The following FXYD3 variants were observed in gnomAD, a reference collection of about 807,000 sequenced individuals.
The protein encoded by FXYD3 is FXYD domain containing ion transport regulator 3.
Under a neutral mutation model 19.2 loss-of-function variants are expected in FXYD3, and 13 were observed. That is an observed-to-expected ratio of 0.68 (90% CI 0.44 to 1.08). The LOEUF (loss-of-function observed/expected upper bound fraction) is 1.08. FXYD3 is among the 50% of genes least tolerant of loss of function. The pLI is 0.00. For missense variants in FXYD3, 101 were observed against 109.4 expected (o/e 0.92, Z 0.34); for synonymous variants, 48 against 38.9 (o/e 1.23, Z -0.87).
intron 5 of FXYD3, 148 bp from the exon 6 acceptor site, chr19:35,122,609 CAGAATGTG>C (rs1372624544): frequency 1.5e-6 from 1 of 645,512 alleles, no homozygotes; most frequent in African/African-American, 1.8e-5. Flanking sequence ...GTGTGTGAAC[CAGAATGTG>C]AGCACCTGGG....
In FXYD3 at chr19:35,119,475, C is replaced by A. The variant is rs369663190; in HGVS notation, c.40+59C>A. Reference sequence around the variant, plus strand: ...GGATCCCCTGGATGCGGGGATCCAACCTCTGTCTCTCTCCTGTGCTTTTCT... The same window carrying A: ...GGATCCCCTGGATGCGGGGATCCAAACTCTGTCTCTCTCCTGTGCTTTTCT... On this transcript the variant is annotated intron_variant, in intron 3 of 8. Coordinates refer to ENST00000604404, the MANE Select transcript of FXYD3 (RefSeq NM_005971.4). 89 of 1,436,824 alleles carry A rather than the reference C, an allele frequency of 6.2e-5. 3 individuals are homozygous for A. In the South Asian group the frequency reaches 9.6e-4, roughly 16 times the overall value. 89.0% of individuals were successfully genotyped at this position (1,436,824 alleles called of 1,614,324 possible).
At chr19:35,122,535 C>T (rs1297879164) in intron 5 of FXYD3, 7 of 570,632 alleles carry the variant, frequency 1.2e-5, no homozygotes, top group East Asian at 3.0e-5. Context: ...CATCTCCCAC[C>T]CCACTTATTT....
At chr19:35,118,615 G>C in intron 2 of FXYD3, 1 of 997,196 alleles carries the variant, frequency 1.0e-6, no homozygotes, top group Non-Finnish European at 1.2e-6. Flanking sequence ...GTCAGGGGCT[G>C]GGCTGGGGAC....
chr19:35,123,253 C>T lies in FXYD3; in HGVS notation c.210-18C>T, dbSNP rs1447890819. On this transcript the variant is annotated intron_variant, in intron 7 of 8. Coordinates refer to ENST00000604404, the MANE Select transcript of FXYD3 (RefSeq NM_005971.4). ...CAAATGGGGGCGGACACCAATCTCACCACTTTTGTCTCCTTAGTCACCATC... is the reference window on the plus strand; with the variant it reads ...CAAATGGGGGCGGACACCAATCTCATCACTTTTGTCTCCTTAGTCACCATC... The T allele has an allele frequency of 1.9e-6, 3 of 1,577,414 alleles. No homozygotes were observed. The South Asian group carries it at 3.5e-5, about 19-fold the overall frequency.
At chr19:35,121,173 G>C (rs1266115320) in intron 4 of FXYD3, 49 bp from the exon 5 acceptor site, 3 of 1,613,982 alleles carry the variant, frequency 1.9e-6, no homozygotes, top group African/African-American at 2.7e-5. Context: ...GGGAAGGCCT[G>C]CATCCTGGCT....
intron 2 of FXYD3, chr19:35,118,448 GAGGCCAGGGCTTGGTGC>G: frequency 1.0e-6 from 1 of 990,028 alleles, no homozygotes; most frequent in Non-Finnish European, 1.2e-6. Context: ...GGCATGCTCG[GAGGCCAGGGCTTGGTGC>G]AGCCTTGCAG....
intron 5 of FXYD3, among the ~76,000 whole-genome samples, chr19:35,122,228 C>T (rs2065058235): frequency 6.6e-6 from 1 of 151,736 alleles, no homozygotes; most frequent in Admixed American, 6.6e-5. Flanking sequence ...AATCTTGGCT[C>T]ACTGCAACCT....
rs1600464836 is a variant in FXYD3, at chr19:35,124,307, T to A, written c.*850T>A. ...ACCCAAAAAGAGACCCACAATAAAC[T>A]CGTGACTTGTCCCCTCATCATGCCG... is the stretch of plus-strand genomic sequence containing the variant. On this transcript the variant is annotated 3_prime_UTR_variant, in exon 9 of 9. Coordinates refer to ENST00000604404, the MANE Select transcript of FXYD3 (RefSeq NM_005971.4). 1 of 152,062 alleles carries A rather than the reference T, an allele frequency of 6.6e-6. No individual in the cohort carries two copies. Among genetic ancestry groups the A allele is most frequent in the African/African-American group, 2.4e-5 (1 of 41,378 alleles). 9.4% of individuals were successfully genotyped at this position (152,062 alleles called of 1,614,324 possible).
At chr19:35,119,132 A>T in intron 2 of FXYD3, 1 of 1,460,494 alleles carries the variant, frequency 6.8e-7, no homozygotes, top group Non-Finnish European at 9.4e-7. Flanking sequence ...CCTGAAGTCC[A>T]TGTCCAGTGA....
In FXYD3 at chr19:35,121,094, C is replaced by T. The variant is rs35635692; in HGVS notation, c.57C>T (p.Asp19=). ...LVFLAGFPVL[D]ANDLEDKNSP... ...TCCCACTAGGCTTTCCTGTCCTGGA[C>T]GCCAATGACCTAGAAGGTGAGTCAG... is the stretch of plus-strand genomic sequence containing the variant. The change falls in exon 4 of 9, where the codon GAC becomes GAT. Residue 19 remains aspartate (D), a synonymous_variant. Transcript: ENST00000604404. 5.9e-4 allele frequency: 950 copies of T among 1,613,054 alleles called. 4 individuals are homozygous for T. In the African/African-American group the frequency reaches 0.01, roughly 17 times the overall value.
chr19:35,119,137 C>A, intron 2 of FXYD3: 1 of 1,488,156 alleles, frequency 6.7e-7, no homozygotes, highest in Non-Finnish European at 9.2e-7. Flanking sequence ...AGTCCATGTC[C>A]AGTGAGTTAT....
chr19:35,118,529 C>T, intron 2 of FXYD3: 1 of 989,830 alleles, frequency 1.0e-6, no homozygotes, highest in Non-Finnish European at 1.2e-6. Context: ...GAAACGAGTT[C>T]CTTATGCTGA....
chr19:35,122,673 C>A, intron 5 of FXYD3, 92 bp from the exon 6 acceptor site: 4 of 1,031,792 alleles, frequency 3.9e-6, no homozygotes, highest in Non-Finnish European at 6.0e-6. Context: ...CCCTGTGCAT[C>A]CTAGGTGCTC....
intron 1 of FXYD3, 38 bp from the exon 2 acceptor site, chr19:35,116,226 G>A: frequency 1.0e-6 from 1 of 985,416 alleles, no homozygotes; most frequent in Non-Finnish European, 1.2e-6. Flanking sequence ...TGGAGCCCCT[G>A]GGCCTCAGGG....
Position 35,123,648 on chromosome 19 carries a change from C to T in FXYD3, c.*191C>T. Reference sequence around the variant, plus strand: ...TTTTTTTAATCTAAAATGATTGTGCCTCTGCCCAAGCAGCCTGGAGACTTC... The same window carrying T: ...TTTTTTTAATCTAAAATGATTGTGCTTCTGCCCAAGCAGCCTGGAGACTTC... On this transcript the variant is annotated 3_prime_UTR_variant, in exon 9 of 9. Transcript: ENST00000604404. 3 of 635,390 alleles carry T rather than the reference C, an allele frequency of 4.7e-6. No individual in the cohort carries two copies. The highest frequency in any genetic ancestry group is 8.2e-6 in the Non-Finnish European group (3 of 363,760). The allele number at this position is 635,390 out of a possible 1,614,324, so 39.4% of individuals were successfully genotyped here. A position where few individuals can be genotyped will look rare whatever the true frequency, so the allele number is the denominator to read the frequency against.
chr19:35,117,331 T>G (rs2064914209), intron 2 of FXYD3: 1 of 1,508,880 alleles, frequency 6.6e-7, no homozygotes, highest in Non-Finnish European at 8.8e-7. Context: ...AGTGGGGCCT[T>G]GCAGGCCAGA....
At chr19:35,122,265 C>T (rs1464595184) in intron 5 of FXYD3, among the ~76,000 whole-genome samples, 3 of 151,988 alleles carry the variant, frequency 2.0e-5, no homozygotes, top group African/African-American at 7.3e-5. Flanking sequence ...AATGATTCTC[C>T]AGCCTCAGCC....
intron 2 of FXYD3, 132 bp downstream of exon 2, chr19:35,116,491 T>C: frequency 4.1e-6 from 4 of 985,480 alleles, no homozygotes; most frequent in Non-Finnish European, 4.8e-6. Context: ...TGAAATGCTT[T>C]TCTGGAGCCA....
At chr19:35,118,627 C>T in intron 2 of FXYD3, 1 of 980,264 alleles carries the variant, frequency 1.0e-6, no homozygotes, top group Non-Finnish European at 1.2e-6. Flanking sequence ...GCTGGGGACC[C>T]CGGCTAGGCA....
Sources: gnomAD v4.1 joint callset for allele counts (sites outside exome capture counted in the v4.1 genomes callset) on GRCh38, gnomAD v4.1.1 for gene constraint, MANE v1.5 for transcripts, NCBI Gene and HGNC (gene_info 2026-07-23, HGNC 2026-07-21) for gene names.